Variants in COL11A1 observed in about 807,000 individuals in gnomAD.
COL11A1 encodes collagen type XI alpha 1 chain, also known as collagen alpha-1(XI) chain.
A neutral mutation model predicts 265.2 loss-of-function variants in COL11A1; 74 were observed. That is an observed-to-expected ratio of 0.28 (90% CI 0.23 to 0.34). COL11A1 has a LOEUF of 0.34. COL11A1 is among the 10% of genes least tolerant of loss of function. The pLI is 1.00. For synonymous variants in COL11A1, 816 were observed against 727.6 expected (o/e 1.12, Z -1.96); for missense variants, 2,165 against 2,263.6 (o/e 0.96, Z 0.88).
At chr1:102,941,079 G>A (rs896139834) in intron 42 of COL11A1, among the ~76,000 whole-genome samples, 1 of 152,010 alleles carries the variant, frequency 6.6e-6, no homozygotes, top group African/African-American at 2.4e-5. Flanking sequence ...ATTTTTGATT[G>A]CATTCAGAGG....
At position 102,987,723 on chromosome 1, in the gene COL11A1, AATTTG is replaced by A; in HGVS notation, c.2407_2411del (p.Gln803TrpfsTer9). ...CAGGGCCATCTTCCCCTCTTGGGCC[AATTTG>A]ACCAACTTCTCCCTGAGGCACAGAA... is the stretch of plus-strand genomic sequence containing the variant. On this transcript the variant is annotated frameshift_variant, in exon 30 of 67. Transcript: ENST00000370096. LOFTEE classifies it high-confidence loss of function. 6.2e-7 allele frequency: 1 copy of A among 1,613,456 alleles called. No homozygotes were observed. Among genetic ancestry groups the A allele is most frequent in the Non-Finnish European group, 8.5e-7 (1 of 1,179,638 alleles).
chr1:102,969,165 C>T (rs972964534), intron 37 of COL11A1, among the ~76,000 whole-genome samples: 2 of 152,160 alleles, frequency 1.3e-5, no homozygotes, highest in African/African-American at 4.8e-5. Flanking sequence ...ATCCAAGACT[C>T]CAAAGTTTCT....
intron 4 of COL11A1, among the ~76,000 whole-genome samples, chr1:103,035,760 A>G (rs1009372024): frequency 6.6e-6 from 1 of 152,018 alleles, no homozygotes; most frequent in South Asian, 2.1e-4. Flanking sequence ...AAACTTGAAA[A>G]TATTTATTTT....
At chr1:102,948,355 A>C (rs1415700000) in intron 41 of COL11A1, among the ~76,000 whole-genome samples, 1 of 152,088 alleles carries the variant, frequency 6.6e-6, no homozygotes, top group Admixed American at 6.5e-5. Flanking sequence ...TCATATAACT[A>C]GTTAAGAGAA....
intron 5 of COL11A1, among the ~76,000 whole-genome samples, chr1:103,029,586 C>T (rs895344250): frequency 6.6e-6 from 1 of 151,876 alleles, no homozygotes; most frequent in African/African-American, 2.4e-5. Flanking sequence ...TTATGACTTA[C>T]TCAATCTAAA....
chr1:102,883,221 T>A lies in COL11A1; in HGVS notation c.4949A>T (p.Tyr1650Phe), dbSNP rs184088500. 2 of 1,612,864 alleles carry A rather than the reference T, an allele frequency of 1.2e-6. No individual in the cohort carries two copies. Among genetic ancestry groups the A allele is most frequent in the African/African-American group, 2.7e-5 (2 of 74,982 alleles). The change falls in exon 64 of 67, where the codon TAT becomes TTT. Residue 1650 changes from tyrosine to phenylalanine, a missense_variant. Coordinates refer to ENST00000370096, the MANE Select transcript of COL11A1 (RefSeq NM_001854.4). Reference protein sequence around the residue: ...NFTSGGETCIYPDKKSEGVRI... With the variant: ...NFTSGGETCIFPDKKSEGVRI... ...TACTCCCTCAGATTTTTTGTCTGGA[T>A]AAATGCAAGTCTCACCACCAGATGT...
At chr1:102,961,757 G>A (rs1660928155) in intron 41 of COL11A1, 109 bp downstream of exon 41, 3 of 963,116 alleles carry the variant, frequency 3.1e-6, no homozygotes, top group South Asian at 2.7e-5. Flanking sequence ...TGATTGACAT[G>A]TGTTTATTTT....
chr1:102,958,313 C>T (rs1660564750), intron 41 of COL11A1, among the ~76,000 whole-genome samples: 1 of 151,822 alleles, frequency 6.6e-6, no homozygotes. Context: ...ATCCCTACTC[C>T]TGATTCTTTT....
In COL11A1 at chr1:103,004,622, C is replaced by T. The variant is rs551653403; in HGVS notation, c.1885G>A (p.Asp629Asn). 5.0e-6 allele frequency: 8 copies of T among 1,610,762 alleles called. No homozygotes were observed. Among genetic ancestry groups the T allele is most frequent in the South Asian group, 3.3e-5 (3 of 90,834 alleles). Residue 629 changes from aspartate to asparagine, a missense_variant, in exon 19 of 67, where the codon GAT (aspartate) becomes AAT (asparagine). Asp to Asn is a conservative substitution (Grantham distance 23). Coordinates refer to ENST00000370096, the MANE Select transcript of COL11A1 (RefSeq NM_001854.4). Reference sequence around the variant, plus strand: ...TATTAACATACCCTCATTCCATCATCACCAGGAGGACCTGGAGGACCTTGA... The same window carrying T: ...TATTAACATACCCTCATTCCATCATTACCAGGAGGACCTGGAGGACCTTGA... ...GPQGPPGPPG[D>N]DGMRGEDGEI...
At chr1:102,912,059 T>A in intron 54 of COL11A1, 100 bp downstream of exon 54, 9 of 982,232 alleles carry the variant, frequency 9.2e-6, no homozygotes, top group Non-Finnish European at 1.4e-5. Context: ...TATTTCTCAT[T>A]ATTCTTATAA....
intron 4 of COL11A1, among the ~76,000 whole-genome samples, chr1:103,062,663 A>T (rs1050672680): frequency 2.0e-5 from 3 of 152,060 alleles, no homozygotes; most frequent in African/African-American, 7.2e-5. Context: ...TAGGAACAGA[A>T]GGACATTTTC....
At position 103,015,573 on chromosome 1, in the gene COL11A1, T is replaced by G. The variant is rs994358425; in HGVS notation, c.1488+95A>C. 2.8e-5 allele frequency: 27 copies of G among 958,202 alleles called. No homozygotes were observed. In the African/African-American group the frequency reaches 4.5e-4, roughly 16 times the overall value. The allele number at this position is 958,202 out of a possible 1,614,324, so 59.4% of individuals were successfully genotyped here. A position where few individuals can be genotyped will look rare whatever the true frequency, so the allele number is the denominator to read the frequency against. On this transcript the variant is annotated intron_variant, in intron 12 of 66. Coordinates refer to ENST00000370096, the MANE Select transcript of COL11A1 (RefSeq NM_001854.4). ...AGTATTTCTACCTTGTACAATGGTT[T>G]TTAGTTGATTGCTCTTCAATATGGT...
intron 64 of COL11A1, 73 bp from the exon 65 acceptor site, chr1:102,881,838 T>C (rs1650282044): frequency 9.3e-7 from 1 of 1,075,194 alleles, no homozygotes; most frequent in Non-Finnish European, 1.4e-6. Context: ...TATATACATA[T>C]AATTCATTTT....
chr1:102,901,337 A>C (rs76919987), intron 54 of COL11A1, among the ~76,000 whole-genome samples: 23 of 149,734 alleles, frequency 1.5e-4, no homozygotes, highest in Admixed American at 4.7e-4. Context: ...AAAAAAAAAA[A>C]CTGAGGCTGT....
At chr1:102,887,754 C>T (rs1047090945) in intron 62 of COL11A1, among the ~76,000 whole-genome samples, 8 of 152,010 alleles carry the variant, frequency 5.3e-5, no homozygotes, top group African/African-American at 1.9e-4. Flanking sequence ...AAGATAACAT[C>T]GCTAGAGTGG....
At chr1:103,052,223 A>G (rs550424962) in intron 4 of COL11A1, among the ~76,000 whole-genome samples, 1 of 152,290 alleles carries the variant, frequency 6.6e-6, no homozygotes, top group South Asian at 2.1e-4. Context: ...AGATTCTTCC[A>G]ATTCTAAACT....
intron 9 of COL11A1, among the ~76,000 whole-genome samples, chr1:103,021,145 A>G (rs80110534): frequency 0.042 from 6,334 of 150,792 alleles, 236 homozygotes; most frequent in African/African-American, 0.096. Context: ...ACCGCTTCCA[A>G]GTAAGAATCT....
At chr1:103,083,250 G>GTGTC (rs1280118770) in intron 1 of COL11A1, among the ~76,000 whole-genome samples, 8 of 106,038 alleles carry the variant, frequency 7.5e-5, no homozygotes, top group Non-Finnish European at 1.7e-4. Context: ...GTCTGTGTCT[G>GTGTC]TGTGTGTGTG....
chr1:102,922,442 G>A (rs1167482270), intron 47 of COL11A1, among the ~76,000 whole-genome samples: 1 of 152,124 alleles, frequency 6.6e-6, no homozygotes. Flanking sequence ...TGTCGCCCAG[G>A]CTGGAGTGCA....
Sources: gnomAD v4.1 joint callset for allele counts (sites outside exome capture counted in the v4.1 genomes callset) on GRCh38, gnomAD v4.1.1 for gene constraint, MANE v1.5 for transcripts, NCBI Gene and HGNC (gene_info 2026-07-23, HGNC 2026-07-21) for gene names.